Variants in RWDD4 observed in about 807,000 individuals in gnomAD.
RWDD4 encodes the protein RWD domain containing 4.
Under a neutral mutation model 30.0 loss-of-function variants are expected in RWDD4, and 16 were observed. The observed-to-expected ratio is 0.53, with a 90% confidence interval of 0.36 to 0.81. The LOEUF (loss-of-function observed/expected upper bound fraction) is 0.81, where lower values mean the gene tolerates loss of function less well. Among genes scored for constraint, RWDD4 ranks in the 30% least tolerant of loss-of-function variants. RWDD4 has a pLI of 0.00. For missense variants in RWDD4, 170 were observed against 223.9 expected (o/e 0.76, Z 1.54); for synonymous variants, 45 against 72.1 (o/e 0.62, Z 1.90).
chr4:183,643,683 A>G (rs1171598897), intron 7 of RWDD4, among the ~76,000 whole-genome samples: 8 of 151,328 alleles, frequency 5.3e-5, no homozygotes, highest in Non-Finnish European at 1.0e-4. Context: ...TTGGGAGGCC[A>G]AGGCGGGTGG....
At chr4:183,649,054 T>C (rs1305263675) in intron 5 of RWDD4, among the ~76,000 whole-genome samples, 2 of 151,442 alleles carry the variant, frequency 1.3e-5, no homozygotes, top group African/African-American at 4.9e-5. Flanking sequence ...GAAGAAAGAG[T>C]AAGAATTAAT....
At chr4:183,647,807 A>AT (rs1161816978) in intron 5 of RWDD4, among the ~76,000 whole-genome samples, 12 of 152,158 alleles carry the variant, frequency 7.9e-5, no homozygotes, top group Non-Finnish European at 1.5e-4. Flanking sequence ...GAATTCTTAG[A>AT]TTTTTTTATT....
intron 3 of RWDD4, 23 bp from the exon 4 acceptor site, chr4:183,651,154 CT>C (rs746207538): frequency 6.2e-7 from 1 of 1,613,620 alleles, no homozygotes; most frequent in Non-Finnish European, 8.5e-7. Flanking sequence ...ACAAAAATAC[CT>C]TGCTGAGAGA....
intron 1 of RWDD4, among the ~76,000 whole-genome samples, chr4:183,657,350 T>C (rs952452853): frequency 1.3e-5 from 2 of 152,208 alleles, no homozygotes; most frequent in Non-Finnish European, 2.9e-5. Context: ...ACTCCTTCTG[T>C]CCCTAATCCT....
At chr4:183,645,052 T>A (rs193035927) in intron 7 of RWDD4, among the ~76,000 whole-genome samples, 3 of 152,194 alleles carry the variant, frequency 2.0e-5, no homozygotes, top group Admixed American at 1.3e-4. Context: ...GTGAGCCATG[T>A]TCACGCCACT....
intron 7 of RWDD4, among the ~76,000 whole-genome samples, chr4:183,644,927 C>T (rs1202048743): frequency 2.0e-5 from 3 of 152,018 alleles, no homozygotes; most frequent in Admixed American, 1.3e-4. Flanking sequence ...AAGTGAGACC[C>T]TGTCTCTAGT....
chr4:183,652,439 C>T (rs917364126), intron 2 of RWDD4, among the ~76,000 whole-genome samples: 4 of 146,142 alleles, frequency 2.7e-5, no homozygotes, highest in African/African-American at 7.7e-5. Flanking sequence ...GCGGTCACAG[C>T]GAGCTGAGAT....
intron 2 of RWDD4, among the ~76,000 whole-genome samples, chr4:183,653,282 A>T (rs983707002): frequency 1.3e-5 from 2 of 152,058 alleles, no homozygotes; most frequent in African/African-American, 2.4e-5. Context: ...ATTAAGGAAT[A>T]ATCTCGCTGG....
intron 2 of RWDD4, among the ~76,000 whole-genome samples, chr4:183,652,892 T>C (rs1413392338): frequency 6.7e-6 from 1 of 149,198 alleles, no homozygotes; most frequent in Non-Finnish European, 1.5e-5. Context: ...TGCCAGACTT[T>C]AAAAAACTTT....
chr4:183,645,376 C>T (rs969348902), intron 7 of RWDD4, among the ~76,000 whole-genome samples: 1 of 152,036 alleles, frequency 6.6e-6, no homozygotes, highest in Non-Finnish European at 1.5e-5. Context: ...GACATGTAGG[C>T]AGCAAAATTC....
chr4:183,650,891 G>T, intron 4 of RWDD4, 93 bp downstream of exon 4: 4 of 1,282,858 alleles, frequency 3.1e-6, no homozygotes, highest in Non-Finnish European at 4.2e-6. Context: ...GTCTTCTTCC[G>T]ATTTTGAATA....
At chr4:183,649,875 TG>T (rs1443432477) in intron 4 of RWDD4, among the ~76,000 whole-genome samples, 1 of 152,234 alleles carries the variant, frequency 6.6e-6, no homozygotes, top group Non-Finnish European at 1.5e-5. Context: ...TCAGTTAACT[TG>T]CTATTATTTG....
intron 2 of RWDD4, among the ~76,000 whole-genome samples, chr4:183,655,560 A>G (rs1313323089): frequency 6.6e-6 from 1 of 152,182 alleles, no homozygotes; most frequent in East Asian, 1.9e-4. Context: ...CTGGGATTAC[A>G]GGTGAGAGCC....
Position 183,649,579 on chromosome 4 carries a change from AAAG to A in RWDD4, c.364-14_364-12del. ...ATTGCTTATCGATGTCTAAAAAAAA[AAAG>A]AAATAATTCTCAGCCTCATACCTTA... On this transcript the variant is annotated splice_polypyrimidine_tract_variant and intron_variant, in intron 4 of 7. Transcript: ENST00000326397. The A allele has an allele frequency of 7.0e-7, 1 of 1,421,410 alleles. No individual in the cohort carries two copies. The highest frequency in any genetic ancestry group is 2.3e-5 in the East Asian group (1 of 43,992). 88.0% of individuals were successfully genotyped at this position (1,421,410 alleles called of 1,614,324 possible).
At chr4:183,649,766 C>T (rs1251661448) in intron 4 of RWDD4, among the ~76,000 whole-genome samples, 198 bp from the exon 5 acceptor site, 1 of 152,080 alleles carries the variant, frequency 6.6e-6, no homozygotes, top group African/African-American at 2.4e-5. Context: ...GATCAAAGGA[C>T]GTAATATTAG....
chr4:183,654,380 C>T (rs1734142839), intron 2 of RWDD4, among the ~76,000 whole-genome samples: 1 of 152,118 alleles, frequency 6.6e-6, no homozygotes, highest in Admixed American at 6.5e-5. Context: ...AAGTATTAAA[C>T]CGGGGAAGTC....
At chr4:183,644,401 C>T (rs1222381502) in intron 7 of RWDD4, among the ~76,000 whole-genome samples, 2 of 152,184 alleles carry the variant, frequency 1.3e-5, no homozygotes, top group Non-Finnish European at 1.5e-5. Flanking sequence ...GTACTAGTTA[C>T]TAGCAGCACT....
At chr4:183,650,413 C>T (rs1431675368) in intron 4 of RWDD4, among the ~76,000 whole-genome samples, 1 of 152,198 alleles carries the variant, frequency 6.6e-6, no homozygotes. Flanking sequence ...CAAGACAACA[C>T]TAAATTATAC....
rs754224687 is a variant in RWDD4 at position 183,641,407 on chromosome 4, T to C, written c.*29A>G. 1 of 1,566,090 alleles carries C rather than the reference T, an allele frequency of 6.4e-7. No individual in the cohort carries two copies. The highest frequency in any genetic ancestry group is 2.2e-5 in the East Asian group (1 of 44,592). On this transcript the variant is annotated 3_prime_UTR_variant, in exon 8 of 8. Transcript: ENST00000326397. ...GAACCCAGTTTTACTCTTTAAAGAATGCTCTTTCCTTGTCTCAAATTCCAA... is the reference window on the plus strand; with the variant it reads ...GAACCCAGTTTTACTCTTTAAAGAACGCTCTTTCCTTGTCTCAAATTCCAA...
Sources: gnomAD v4.1 joint callset for allele counts (sites outside exome capture counted in the v4.1 genomes callset) on GRCh38, gnomAD v4.1.1 for gene constraint, MANE v1.5 for transcripts, NCBI Gene and HGNC (gene_info 2026-07-23, HGNC 2026-07-21) for gene names.